THTPA: variants seen among roughly 807,000 people sequenced by gnomAD.
THTPA encodes the protein thiamine-triphosphatase.
THTPA carries 16 observed loss-of-function variants against 16.5 expected under a neutral mutation model. The ratio of observed to expected loss-of-function variants is 0.97; its 90% CI spans 0.66 to 1.47. The LOEUF is 1.47. Ranked by LOEUF, THTPA falls within the 40% of genes most tolerant of loss-of-function variation. The pLI is 0.00. For missense variants in THTPA, 281 were observed against 280.9 expected (o/e 1.00, Z 0.00); for synonymous variants, 110 against 115.5 (o/e 0.95, Z 0.30).
At chr14:23,549,029 C>A in the THTPA span, among the ~76,000 whole-genome samples, 8 of 152,156 alleles carry the variant, frequency 5.3e-5, no homozygotes, top group Non-Finnish European at 1.0e-4. Flanking sequence ...GTACCATACT[C>A]TCTTCCCATC....
At chr14:23,533,358 C>T in the THTPA span, 4 of 1,442,662 alleles carry the variant, frequency 2.8e-6, no homozygotes, top group Non-Finnish European at 3.6e-6. This position sits in a 1 kb window ranked among gnomAD's most constrained non-coding sequence, Gnocchi z 4.8. Context: ...CTTCCAGGGG[C>T]TTGTCTGGCC....
chr14:23,520,710 C>T, the THTPA span: 2 of 151,936 alleles, frequency 1.3e-5, no homozygotes, highest in African/African-American at 4.8e-5. This position sits in a 1 kb window ranked among gnomAD's most constrained non-coding sequence, Gnocchi z 8.7. Context: ...CCGGCATCGG[C>T]CCTTCGAGGA....
At chr14:23,535,232 T>C in the THTPA span, 1 of 1,520,312 alleles carries the variant, frequency 6.6e-7, no homozygotes, top group South Asian at 1.2e-5. The surrounding 1 kb of genome is among the most constrained non-coding windows in gnomAD (Gnocchi z 4.5). Context: ...TCAGAGGGGG[T>C]GCTGGAGGAG....
chr14:23,525,473 G>T, the THTPA span: 1 of 1,536,082 alleles, frequency 6.5e-7, no homozygotes, highest in Non-Finnish European at 8.7e-7. This position sits in a 1 kb window ranked among gnomAD's most constrained non-coding sequence, Gnocchi z 5.9. Context: ...AAGCATATTG[G>T]AGAAGAGTTT....
chr14:23,556,591 G>A lies in THTPA; in HGVS notation c.-167G>A, dbSNP rs1882397938. The A allele has an allele frequency of 5.7e-6, 4 of 696,922 alleles. No individual in the cohort carries two copies. Among genetic ancestry groups the A allele is most frequent in the Non-Finnish European group, 9.4e-6 (4 of 427,178 alleles). 43.2% of individuals were successfully genotyped at this position (696,922 alleles called of 1,614,324 possible). A position where few individuals can be genotyped will look rare whatever the true frequency, so the allele number is the denominator to read the frequency against. On this transcript the variant is annotated 5_prime_UTR_variant, in exon 1 of 2. Transcript: ENST00000288014. ...ACCGACGGGGCCTTAATGTCACCGAGGTAGAGAGAAAAGGGCAGTAGCCCT... is the reference window on the plus strand; with the variant it reads ...ACCGACGGGGCCTTAATGTCACCGAAGTAGAGAGAAAAGGGCAGTAGCCCT...
chr14:23,533,356 G>A, the THTPA span: 2 of 1,441,976 alleles, frequency 1.4e-6, no homozygotes, highest in African/African-American at 2.9e-5. The surrounding 1 kb of genome is among the most constrained non-coding windows in gnomAD (Gnocchi z 4.8). Flanking sequence ...GGCTTCCAGG[G>A]GCTTGTCTGG....
the THTPA span, chr14:23,522,897 G>A: frequency 1.4e-6 from 2 of 1,475,584 alleles, no homozygotes; most frequent in Non-Finnish European, 1.8e-6. Context: ...GTGGTAGGCA[G>A]GACCGAAGTG....
chr14:23,534,842 G>T, the THTPA span: 148 of 1,536,188 alleles, frequency 9.6e-5, no homozygotes, highest in East Asian at 1.1e-3. The surrounding 1 kb of genome is among the most constrained non-coding windows in gnomAD (Gnocchi z 4.5). Flanking sequence ...TGTGAGGGGG[G>T]TGGGTAGGCA....
chr14:23,516,979 A>G, the THTPA span, among the ~76,000 whole-genome samples: 1 of 151,978 alleles, frequency 6.6e-6, no homozygotes, highest in African/African-American at 2.4e-5. Context: ...TTAGGAGTCA[A>G]CCCCGGGTGC....
chr14:23,522,348 C>T, the THTPA span: 65 of 1,535,484 alleles, frequency 4.2e-5, no homozygotes, highest in East Asian at 1.3e-3. Flanking sequence ...GTTACATCCA[C>T]GGTGGAGATG....
At chr14:23,536,689 G>A in the THTPA span, among the ~76,000 whole-genome samples, 4 of 152,282 alleles carry the variant, frequency 2.6e-5, no homozygotes, top group South Asian at 6.2e-4. Flanking sequence ...GATGTTAAGT[G>A]AGCTACTGAG....
chr14:23,542,497 T>C, the THTPA span, among the ~76,000 whole-genome samples: 12 of 152,170 alleles, frequency 7.9e-5, no homozygotes, highest in Non-Finnish European at 1.8e-4. Context: ...AGGACAGCAG[T>C]GTGGAGCTGC....
At chr14:23,549,067 C>T in the THTPA span, among the ~76,000 whole-genome samples, 1 of 152,106 alleles carries the variant, frequency 6.6e-6, no homozygotes, top group Admixed American at 6.6e-5. Context: ...TCCTCCCTTC[C>T]CCCTCTTTAC....
At chr14:23,528,045 T>C in the THTPA span, among the ~76,000 whole-genome samples, 24 of 152,080 alleles carry the variant, frequency 1.6e-4, no homozygotes, top group South Asian at 5.0e-3. Flanking sequence ...GCAGCTGGGA[T>C]TACAGGCGTG....
the THTPA span, chr14:23,530,748 C>T: frequency 3.6e-6 from 1 of 280,210 alleles, no homozygotes; most frequent in Non-Finnish European, 6.9e-6. Flanking sequence ...GATCTGGGCC[C>T]CTCCGGCACT....
At chr14:23,523,555 G>A in the THTPA span, 26 of 1,537,564 alleles carry the variant, frequency 1.7e-5, no homozygotes, top group Middle Eastern at 1.7e-4. The surrounding 1 kb of genome is among the most constrained non-coding windows in gnomAD (Gnocchi z 4.1). Context: ...TGCTCCCAGC[G>A]GCTGTCCCCT....
chr14:23,532,446 A>G, the THTPA span: 6 of 1,228,798 alleles, frequency 4.9e-6, no homozygotes, highest in Non-Finnish European at 6.4e-6. Flanking sequence ...TACCTGGTGC[A>G]TACTTTCCTT....
intron 1 of THTPA, 103 bp from the exon 2 acceptor site, chr14:23,558,592 G>T: frequency 6.8e-7 from 1 of 1,461,024 alleles, no homozygotes; most frequent in Non-Finnish European, 9.4e-7. Context: ...ACCCCAGTGT[G>T]GCTTTGGAAA....
chr14:23,529,748 TG>T, the THTPA span: 2 of 1,536,268 alleles, frequency 1.3e-6, no homozygotes, highest in Non-Finnish European at 1.7e-6. Context: ...GGGCCAGTCT[TG>T]TTTTCTGTCT....
Sources: allele counts gnomAD v4.1 joint callset (sites outside exome capture counted in the v4.1 genomes callset), GRCh38; gene constraint gnomAD v4.1.1; non-coding constraint Gnocchi (gnomAD v3.1); transcripts MANE v1.5; gene names NCBI Gene and HGNC (gene_info 2026-07-23, HGNC 2026-07-21).